CNTNAP2: variants seen among roughly 807,000 people sequenced by gnomAD.
CNTNAP2 encodes the protein contactin associated protein 2.
Under a neutral mutation model 155.2 loss-of-function variants are expected in CNTNAP2, and 98 were observed. That is an observed-to-expected ratio of 0.63 (90% CI 0.54 to 0.75). CNTNAP2 has a LOEUF of 0.75. Among genes scored for constraint, CNTNAP2 ranks in the 30% least tolerant of loss-of-function variants. CNTNAP2 has a pLI of 0.00. For missense variants in CNTNAP2, 1,727 were observed against 1,688.1 expected, an observed-to-expected ratio of 1.02 and a Z score of -0.40; for synonymous variants, 651 against 631.2, an observed-to-expected ratio of 1.03 and a Z score of -0.47.
chr7:146,588,113 G>T (rs12703825), intron 1 of CNTNAP2, among the ~76,000 whole-genome samples: 8,380 of 152,060 alleles, frequency 0.055, 333 homozygotes, highest in Non-Finnish European at 0.088. Flanking sequence ...ATATTGTAGG[G>T]AGTCAGCTGT....
chr7:146,241,038 AAAC>A (rs1265740897), intron 1 of CNTNAP2, among the ~76,000 whole-genome samples: 1 of 152,096 alleles, frequency 6.6e-6, no homozygotes, highest in Admixed American at 6.6e-5. Flanking sequence ...CCACACTTTT[AAAC>A]AACCAGATCT....
chr7:146,970,974 C>T (rs1467681187), intron 3 of CNTNAP2, among the ~76,000 whole-genome samples: 2 of 152,038 alleles, frequency 1.3e-5, no homozygotes, highest in African/African-American at 4.8e-5. Flanking sequence ...AAAAACCAAA[C>T]ACTGCATATT....
intron 13 of CNTNAP2, among the ~76,000 whole-genome samples, chr7:147,804,817 G>C (rs114235396): frequency 0.014 from 2,158 of 152,202 alleles, 48 homozygotes; most frequent in African/African-American, 0.049. Context: ...TCTTCCCACA[G>C]TGCTGGGATT....
intron 1 of CNTNAP2, among the ~76,000 whole-genome samples, chr7:146,675,947 C>T (rs1800391188): frequency 6.6e-6 from 1 of 152,096 alleles, no homozygotes; most frequent in African/African-American, 2.4e-5. Context: ...TACTAGGAAA[C>T]ACAAAGTGAA....
At position 146,520,322 on chromosome 7, in the gene CNTNAP2, A is replaced by ATG. The variant is rs1451132692; in HGVS notation, c.98-253948_98-253947insGT. Among the ~76,000 whole-genome samples the ATG allele has an allele frequency of 2.7e-5, 4 of 146,812 alleles. No individual in the cohort carries two copies. The East Asian group carries it at 7.9e-4, about 29-fold the overall frequency. On this transcript the variant is annotated intron_variant, in intron 1 of 23. Transcript: ENST00000361727. Reference sequence around the variant, plus strand: ...GATATCTAGATATATTCATATATATATATATATATATATATCTTGAGATAA... The same window carrying ATG: ...GATATCTAGATATATTCATATATATATGTATATATATATATATCTTGAGATAA...
chr7:146,469,760 G>A (rs972906347), intron 1 of CNTNAP2, among the ~76,000 whole-genome samples: 8 of 148,672 alleles, frequency 5.4e-5, no homozygotes, highest in Admixed American at 2.7e-4. Flanking sequence ...ACTCCTGATC[G>A]CAAGAGATCC....
At chr7:147,874,825 G>A (rs535199676) in intron 13 of CNTNAP2, among the ~76,000 whole-genome samples, 69 of 152,092 alleles carry the variant, frequency 4.5e-4, no homozygotes, top group African/African-American at 1.6e-3. Context: ...TTAGAAATTC[G>A]TTCTGCCAGA....
Position 146,893,150 on chromosome 7 carries a change from GA to G in CNTNAP2, c.402+53248del, listed in dbSNP as rs562125496. 2.2e-4 allele frequency among the ~76,000 whole-genome samples: 34 copies of G among 152,100 alleles called. No individual in the cohort carries two copies. In the East Asian group the frequency reaches 6.6e-3, roughly 29 times the overall value. On this transcript the variant is annotated intron_variant, in intron 3 of 23. Coordinates refer to ENST00000361727, the MANE Select transcript of CNTNAP2 (RefSeq NM_014141.6). ...TTATCTATTTCTGTGTCAGAAGAAA[GA>G]AGGCATTTTGCCCCTTTTGTTCTTT... is the stretch of plus-strand genomic sequence containing the variant.
At chr7:146,440,435 C>T (rs1466078174) in intron 1 of CNTNAP2, among the ~76,000 whole-genome samples, 1 of 151,350 alleles carries the variant, frequency 6.6e-6, no homozygotes, top group African/African-American at 2.5e-5. Flanking sequence ...AACTTAAAAT[C>T]CAAAGAGTGT....
intron 13 of CNTNAP2, chr7:147,671,823 G>A (rs763445747): frequency 6.6e-6 from 1 of 152,204 alleles, no homozygotes; most frequent in Non-Finnish European, 1.5e-5. Flanking sequence ...AAGAGGAATA[G>A]TGTGCATTTA....
chr7:148,100,511 T>C (rs1040382793), intron 15 of CNTNAP2, among the ~76,000 whole-genome samples: 11 of 148,484 alleles, frequency 7.4e-5, no homozygotes, highest in African/African-American at 2.6e-4. Context: ...ACATACTTAA[T>C]AGGTTTGTGC....
chr7:146,930,599 T>A (rs1336795370), intron 3 of CNTNAP2, among the ~76,000 whole-genome samples: 2 of 152,152 alleles, frequency 1.3e-5, no homozygotes, highest in African/African-American at 4.8e-5. Flanking sequence ...TAACTTTAAA[T>A]GTAAATGGAC....
chr7:147,782,012 G>T (rs1055364012), intron 13 of CNTNAP2, among the ~76,000 whole-genome samples: 3 of 136,156 alleles, frequency 2.2e-5, no homozygotes, highest in Non-Finnish European at 3.1e-5. Context: ...GACAGAGCAA[G>T]ATTCCGTTTA....
chr7:148,372,741 C>A (rs1319335781), intron 21 of CNTNAP2, among the ~76,000 whole-genome samples: 1 of 152,092 alleles, frequency 6.6e-6, no homozygotes, highest in African/African-American at 2.4e-5. Context: ...AATAAATTAA[C>A]CTTAGCATAC....
At chr7:147,731,610 C>T (rs1285877637) in intron 13 of CNTNAP2, among the ~76,000 whole-genome samples, 1 of 152,112 alleles carries the variant, frequency 6.6e-6, no homozygotes, top group African/African-American at 2.4e-5. Context: ...GCTAACACAA[C>T]GTCTATTCTG....
At chr7:147,607,257 G>T (rs1357412191) in intron 12 of CNTNAP2, among the ~76,000 whole-genome samples, 3 of 82,306 alleles carry the variant, frequency 3.6e-5, no homozygotes, top group African/African-American at 1.8e-4. Context: ...TCTGGGAGAA[G>T]GGGTCAAGAA....
At chr7:147,199,230 G>A (rs925483369) in intron 8 of CNTNAP2, among the ~76,000 whole-genome samples, 2 of 152,014 alleles carry the variant, frequency 1.3e-5, no homozygotes, top group South Asian at 2.1e-4. Flanking sequence ...CCAAAGTGCT[G>A]GGATTACAGG....
intron 8 of CNTNAP2, among the ~76,000 whole-genome samples, chr7:147,226,516 G>A (rs981237014): frequency 4.7e-5 from 7 of 148,172 alleles, no homozygotes; most frequent in Non-Finnish European, 1.0e-4. Flanking sequence ...GAGGAGCATT[G>A]GGAGCCAAGA....
chr7:148,377,631 C>T (rs1798986351), intron 21 of CNTNAP2, among the ~76,000 whole-genome samples: 1 of 66,850 alleles, frequency 1.5e-5, no homozygotes. Flanking sequence ...ATGTTCTGCA[C>T]CTGTTTACAC....
Sources: allele counts gnomAD v4.1 joint callset (sites outside exome capture counted in the v4.1 genomes callset), GRCh38; gene constraint gnomAD v4.1.1; transcripts MANE v1.5; gene names NCBI Gene and HGNC (gene_info 2026-07-23, HGNC 2026-07-21).